The following IPO11 variants were observed in gnomAD, a reference collection of about 807,000 sequenced individuals.
IPO11 encodes importin-11.
In IPO11, 66 loss-of-function variants were observed where a neutral mutation model predicts 143.2. That is an observed-to-expected ratio of 0.46 (90% CI 0.38 to 0.57). IPO11 has a LOEUF of 0.57. Ranked by LOEUF, IPO11 falls within the 20% of genes least tolerant of loss-of-function variation. IPO11 has a pLI of 0.00. For missense variants in IPO11, 1,026 were observed against 1,141.0 expected (o/e 0.90, Z 1.45); for synonymous variants, 385 against 377.8 (o/e 1.02, Z -0.22).
chr5:62,420,400 CTT>C (rs911047123), intron 1 of IPO11, among the ~76,000 whole-genome samples: 9 of 151,936 alleles, frequency 5.9e-5, no homozygotes, highest in Non-Finnish European at 1.0e-4. Context: ...ATGTGCTCTG[CTT>C]TTATACAAAT....
intron 27 of IPO11, among the ~76,000 whole-genome samples, chr5:62,571,536 T>C (rs1400994057): frequency 2.0e-5 from 3 of 152,224 alleles, no homozygotes; most frequent in East Asian, 3.8e-4. Context: ...CATCTCTTTC[T>C]TTTGAAAGAG....
At chr5:62,560,628 G>A (rs1743738964) in intron 26 of IPO11, 1 of 152,272 alleles carries the variant, frequency 6.6e-6, no homozygotes, top group South Asian at 2.1e-4. Context: ...ATTTGTTTTA[G>A]CATCATTTTT....
chr5:62,603,232 G>A (rs879539304), intron 29 of IPO11, among the ~76,000 whole-genome samples: 18 of 152,158 alleles, frequency 1.2e-4, no homozygotes, highest in Non-Finnish European at 2.2e-4. Flanking sequence ...CTATATATAC[G>A]TTTAAGAAAG....
chr5:62,458,734 T>G (rs1452805771), intron 5 of IPO11, among the ~76,000 whole-genome samples: 1 of 152,136 alleles, frequency 6.6e-6, no homozygotes, highest in Admixed American at 6.5e-5. Context: ...AAAAAGAACT[T>G]TTTGGTGGGA....
chr5:62,416,902 G>A (rs1366604241), intron 1 of IPO11, among the ~76,000 whole-genome samples: 2 of 151,226 alleles, frequency 1.3e-5, no homozygotes, highest in African/African-American at 4.9e-5. Context: ...GCTAATTTTT[G>A]AATTTTTTTT....
intron 9 of IPO11, among the ~76,000 whole-genome samples, chr5:62,480,657 C>G (rs761011114): frequency 1.2e-4 from 19 of 152,086 alleles, no homozygotes; most frequent in Non-Finnish European, 2.2e-4. Flanking sequence ...CCTTCACATG[C>G]CTTGTAAGTT....
chr5:62,513,295 G>A (rs1218568733), intron 19 of IPO11, among the ~76,000 whole-genome samples: 1 of 90,754 alleles, frequency 1.1e-5, no homozygotes, highest in East Asian at 2.3e-4. Flanking sequence ...GGACGGGGCG[G>A]CTGGCTGGGC....
intron 5 of IPO11, among the ~76,000 whole-genome samples, chr5:62,452,836 T>C (rs529978751): frequency 1.3e-5 from 2 of 150,232 alleles, no homozygotes; most frequent in African/African-American, 5.0e-5. Context: ...CACTACAGCC[T>C]TGACCTCCTT....
chr5:62,526,441 CAAAGTT>C (rs1742373127), intron 21 of IPO11, 184 bp downstream of exon 21: 1 of 440,684 alleles, frequency 2.3e-6, no homozygotes, highest in Non-Finnish European at 4.1e-6. Flanking sequence ...TTATAGTAGA[CAAAGTT>C]AAAGGGGGAC....
intron 16 of IPO11, among the ~76,000 whole-genome samples, chr5:62,501,844 G>A (rs1483940886): frequency 2.0e-5 from 3 of 152,052 alleles, no homozygotes; most frequent in African/African-American, 7.2e-5. Flanking sequence ...TTTCTCCTTA[G>A]CATATTATTA....
intron 26 of IPO11, among the ~76,000 whole-genome samples, chr5:62,555,548 G>T (rs1008681822): frequency 6.6e-6 from 1 of 151,130 alleles, no homozygotes; most frequent in Admixed American, 6.6e-5. Context: ...CTGTCGCCCA[G>T]GCTGGAGTGC....
chr5:62,477,390 A>G (rs1745998336), intron 9 of IPO11, among the ~76,000 whole-genome samples: 1 of 152,184 alleles, frequency 6.6e-6, no homozygotes, highest in Non-Finnish European at 1.5e-5. Flanking sequence ...TTTTAATTAA[A>G]GATTCAATAA....
chr5:62,605,077 T>C (rs1745656233), intron 29 of IPO11, among the ~76,000 whole-genome samples: 1 of 152,190 alleles, frequency 6.6e-6, no homozygotes, highest in African/African-American at 2.4e-5. Context: ...AATTATTCTT[T>C]ACAAAAAAAT....
chr5:62,568,832 G>T (rs1744043779), intron 27 of IPO11, among the ~76,000 whole-genome samples: 2 of 152,132 alleles, frequency 1.3e-5, no homozygotes, highest in African/African-American at 2.4e-5. Flanking sequence ...GAGCTTTAAA[G>T]AATTAGATAT....
chr5:62,510,447 T>C (rs1561341338), intron 19 of IPO11, among the ~76,000 whole-genome samples: 2 of 152,236 alleles, frequency 1.3e-5, no homozygotes, highest in African/African-American at 4.8e-5. Context: ...ATTTGAGTTT[T>C]AGTTGCAGAC....
rs1746662459 is a variant in IPO11 at position 62,628,553 on chromosome 5, G to A, written c.*1235G>A. 1 of 152,538 alleles carries A rather than the reference G, an allele frequency of 6.6e-6. No homozygotes were observed. Among genetic ancestry groups the A allele is most frequent in the African/African-American group, 2.4e-5 (1 of 41,412 alleles). The allele number at this position is 152,538 out of a possible 1,614,324, so 9.4% of individuals were successfully genotyped here. On this transcript the variant is annotated 3_prime_UTR_variant, in exon 30 of 30. Coordinates refer to ENST00000325324, the MANE Select transcript of IPO11 (RefSeq NM_016338.5). ...TTTTCAGAAAGAGGAAGAAAATATG[G>A]TCCAAATTAAATTTTCCAAAGATAC... is the stretch of plus-strand genomic sequence containing the variant.
rs375356461 is a variant in IPO11 at position 62,421,007 on chromosome 5, TTC to T, written c.-7+8080_-7+8081del. Among the ~76,000 whole-genome samples the T allele has an allele frequency of 3.3e-5, 5 of 152,382 alleles. No individual in the cohort carries two copies. In the East Asian group the frequency reaches 5.8e-4, roughly 18 times the overall value. On this transcript the variant is annotated intron_variant, in intron 1 of 29. Transcript: ENST00000325324. ...ATTCCCAGTAGCAGTGTTTAAGAGT[TTC>T]TGTTTCCATGCATTCTTGCCAGCAT...
In IPO11 at chr5:62,451,871, T is replaced by C; in HGVS notation, c.454T>C (p.Tyr152His). 6.2e-7 allele frequency: 1 copy of C among 1,614,154 alleles called. No homozygotes were observed. The highest frequency in any genetic ancestry group is 8.5e-7 in the Non-Finnish European group (1 of 1,179,958). ...ACAGCACAGAGCATTACTTACCTTCTATCATGTTACCAAGACACTGGCATC... is the reference window on the plus strand; with the variant it reads ...ACAGCACAGAGCATTACTTACCTTCCATCATGTTACCAAGACACTGGCATC... Reference protein sequence around the residue: ...LRQHRALLTFYHVTKTLASKR... With the variant: ...LRQHRALLTFHHVTKTLASKR... Residue 152 changes from tyrosine to histidine, a missense_variant, in exon 5 of 30, where the codon TAT becomes CAT. Physicochemically the swap from Tyr to His is moderately conservative, Grantham distance 83. Around this residue, in one of 5 missense-constraint regions of IPO11, gnomAD observed 429 missense variants for 456.3 expected, o/e 0.94. Coordinates refer to ENST00000325324, the MANE Select transcript of IPO11 (RefSeq NM_016338.5).
At chr5:62,601,190 A>G (rs1330553957) in intron 28 of IPO11, 1 of 152,194 alleles carries the variant, frequency 6.6e-6, no homozygotes, top group East Asian at 1.9e-4. Context: ...TGAACAGGAA[A>G]CTGTTTCTGT....
Sources: gnomAD v4.1 joint callset for allele counts (sites outside exome capture counted in the v4.1 genomes callset) on GRCh38, gnomAD v4.1.1 for gene constraint, gnomAD v4.1.1 regional missense constraint, MANE v1.5 for transcripts, NCBI Gene and HGNC (gene_info 2026-07-23, HGNC 2026-07-21) for gene names.